Variants in PDZRN4 observed in about 807,000 individuals in gnomAD.
The protein encoded by PDZRN4 is PDZ domain-containing RING finger protein 4.
In PDZRN4, 70 loss-of-function variants were observed where a neutral mutation model predicts 99.0. That is an observed-to-expected ratio of 0.71 (90% CI 0.58 to 0.86). The LOEUF (loss-of-function observed/expected upper bound fraction) is 0.86. Ranked by LOEUF, PDZRN4 falls within the 40% of genes least tolerant of loss-of-function variation. The pLI, the probability that PDZRN4 is intolerant of heterozygous loss-of-function variation, is 0.00. For synonymous variants in PDZRN4, 551 were observed against 501.6 expected, an observed-to-expected ratio of 1.10 and a Z score of -1.32; for missense variants, 1,474 against 1,331.2, an observed-to-expected ratio of 1.11 and a Z score of -1.67.
At chr12:41,542,936 A>G (rs921751506) in intron 5 of PDZRN4, among the ~76,000 whole-genome samples, 1 of 152,134 alleles carries the variant, frequency 6.6e-6, no homozygotes, top group African/African-American at 2.4e-5. Flanking sequence ...TAATTTTATA[A>G]TTGCTTATGT....
At chr12:41,225,805 T>C (rs929956310) in intron 3 of PDZRN4, among the ~76,000 whole-genome samples, 1 of 152,172 alleles carries the variant, frequency 6.6e-6, no homozygotes, top group Non-Finnish European at 1.5e-5. Flanking sequence ...TGCATGTTAA[T>C]TATAACAGCT....
intron 3 of PDZRN4, among the ~76,000 whole-genome samples, chr12:41,200,219 T>C (rs1475395927): frequency 6.6e-6 from 1 of 152,116 alleles, no homozygotes; most frequent in African/African-American, 2.4e-5. Flanking sequence ...GGTGTTAAAC[T>C]GGATTTTGGC....
intron 3 of PDZRN4, among the ~76,000 whole-genome samples, chr12:41,404,455 G>C (rs1952328318): frequency 6.6e-6 from 1 of 152,060 alleles, no homozygotes; most frequent in Non-Finnish European, 1.5e-5. Context: ...AACCAAGGAG[G>C]TGAAAGCCCT....
intron 5 of PDZRN4, among the ~76,000 whole-genome samples, chr12:41,548,733 G>A (rs557911269): frequency 6.6e-6 from 1 of 152,268 alleles, no homozygotes; most frequent in South Asian, 2.1e-4. Context: ...GTAAGAGAGA[G>A]TTCTATCTAG....
At chr12:41,247,938 G>A (rs1406704021) in intron 3 of PDZRN4, among the ~76,000 whole-genome samples, 2 of 148,900 alleles carry the variant, frequency 1.3e-5, no homozygotes, top group Non-Finnish European at 3.0e-5. Context: ...GAAAGCAATG[G>A]CATTAATCCA....
At chr12:41,204,962 A>G (rs1386022608) in intron 3 of PDZRN4, among the ~76,000 whole-genome samples, 2 of 151,922 alleles carry the variant, frequency 1.3e-5, no homozygotes, top group Non-Finnish European at 2.9e-5. Flanking sequence ...TGCTCTGTCA[A>G]ATCTGTCTCT....
chr12:41,522,046 T>C (rs1196610675), intron 5 of PDZRN4, among the ~76,000 whole-genome samples: 1 of 152,088 alleles, frequency 6.6e-6, no homozygotes, highest in Non-Finnish European at 1.5e-5. Context: ...TCATAATCCT[T>C]AAAGAATTTT....
chr12:41,443,374 T>C (rs905531491), intron 3 of PDZRN4, among the ~76,000 whole-genome samples: 6 of 152,030 alleles, frequency 3.9e-5, no homozygotes, highest in African/African-American at 1.4e-4. Flanking sequence ...TAGATGTCAA[T>C]GGATTGGGAG....
chr12:41,238,226 G>A (rs1951079476), intron 3 of PDZRN4, among the ~76,000 whole-genome samples: 1 of 152,000 alleles, frequency 6.6e-6, no homozygotes, highest in African/African-American at 2.4e-5. Flanking sequence ...TACTCTCTTT[G>A]TGGCAATTGT....
At chr12:41,422,305 G>A (rs1952496395) in intron 3 of PDZRN4, among the ~76,000 whole-genome samples, 2 of 152,128 alleles carry the variant, frequency 1.3e-5, no homozygotes, top group Non-Finnish European at 2.9e-5. Context: ...GGCAGAAATT[G>A]TGGAATATAT....
chr12:41,371,668 A>G (rs2121080844), intron 3 of PDZRN4, among the ~76,000 whole-genome samples: 1 of 152,178 alleles, frequency 6.6e-6, no homozygotes, highest in Admixed American at 6.5e-5. Flanking sequence ...ATTTTTGCCA[A>G]ATGTTTATTT....
chr12:41,270,927 T>C (rs1021314952), intron 3 of PDZRN4, among the ~76,000 whole-genome samples: 1 of 152,118 alleles, frequency 6.6e-6, no homozygotes, highest in Admixed American at 6.6e-5. Context: ...TTAAAAATAA[T>C]ACAGTATAGT....
At chr12:41,522,581 A>G (rs1938510535) in intron 5 of PDZRN4, among the ~76,000 whole-genome samples, 1 of 152,110 alleles carries the variant, frequency 6.6e-6, no homozygotes, top group Non-Finnish European at 1.5e-5. Context: ...ATGAATTAAC[A>G]TTATCACCAC....
At chr12:41,481,761 T>C (rs1389221008) in intron 3 of PDZRN4, among the ~76,000 whole-genome samples, 1 of 152,128 alleles carries the variant, frequency 6.6e-6, no homozygotes, top group African/African-American at 2.4e-5. Flanking sequence ...TGTTTATCTT[T>C]TTTATGTACA....
chr12:41,360,937 AAAGTGTGTGTGTGTGTGTGTGT>A (rs1428587322), intron 3 of PDZRN4, among the ~76,000 whole-genome samples: 1 of 105,824 alleles, frequency 9.4e-6, no homozygotes, highest in African/African-American at 3.3e-5. Context: ...AAGAATAAGT[AAAGTGTGTGTGTGTGTGTGTGT>A]GTGTGTGTGT....
At chr12:41,343,362 G>A (rs952007580) in intron 3 of PDZRN4, among the ~76,000 whole-genome samples, 7 of 151,754 alleles carry the variant, frequency 4.6e-5, no homozygotes, top group Non-Finnish European at 8.8e-5. Flanking sequence ...TTTCTCTAAT[G>A]GCCTTTCAAT....
intron 3 of PDZRN4, among the ~76,000 whole-genome samples, chr12:41,195,496 TGAAGAATATA>T (rs2120646641): frequency 6.6e-6 from 1 of 151,980 alleles, no homozygotes; most frequent in African/African-American, 2.4e-5. Flanking sequence ...AGAGTAAGAG[TGAAGAATATA>T]GAAGACCCAA....
intron 3 of PDZRN4, among the ~76,000 whole-genome samples, chr12:41,336,342 T>C (rs564313898): frequency 2.0e-5 from 3 of 152,276 alleles, no homozygotes; most frequent in African/African-American, 7.2e-5. Flanking sequence ...AGCTAATTGC[T>C]GAAGTTGATT....
chr12:41,264,404 T>C (rs898503249), intron 3 of PDZRN4, among the ~76,000 whole-genome samples: 3 of 152,200 alleles, frequency 2.0e-5, no homozygotes, highest in African/African-American at 7.2e-5. Flanking sequence ...CTTTGAAATA[T>C]GTTCTTTTTC....
Sources: gnomAD v4.1 joint callset for allele counts (sites outside exome capture counted in the v4.1 genomes callset) on GRCh38, gnomAD v4.1.1 for gene constraint, MANE v1.5 for transcripts, NCBI Gene and HGNC (gene_info 2026-07-23, HGNC 2026-07-21) for gene names.